CFAP70: variants seen among roughly 807,000 people sequenced by gnomAD.
CFAP70 encodes the protein cilia and flagella associated protein 70, also known as cilia- and flagella-associated protein 70.
Under a neutral mutation model 137.6 loss-of-function variants are expected in CFAP70, and 81 were observed. The observed-to-expected ratio is 0.59, with a 90% CI of 0.49 to 0.71. The LOEUF (loss-of-function observed/expected upper bound fraction) is 0.71, where lower values mean the gene tolerates loss of function less well. Ranked by LOEUF, CFAP70 falls within the 30% of genes least tolerant of loss-of-function variation. CFAP70 has a pLI of 0.00. For synonymous variants in CFAP70, 382 were observed against 423.6 expected (o/e 0.90, Z 1.20); for missense variants, 976 against 1,226.7 (o/e 0.80, Z 3.05).
chr10:73,307,661 TACA>T (rs1275942093), intron 12 of CFAP70, among the ~76,000 whole-genome samples: 3 of 151,948 alleles, frequency 2.0e-5, no homozygotes, highest in East Asian at 1.9e-4. Flanking sequence ...AGCAATAAAA[TACA>T]ACATTTATAA....
At chr10:73,258,229 C>T (rs955382110) in intron 25 of CFAP70, among the ~76,000 whole-genome samples, 2 of 152,136 alleles carry the variant, frequency 1.3e-5, no homozygotes, top group African/African-American at 4.8e-5. Context: ...ACGGAGGGAC[C>T]GGCTGAAGCC....
At chr10:73,260,275 C>G (rs540033092) in intron 25 of CFAP70, among the ~76,000 whole-genome samples, 6 of 151,816 alleles carry the variant, frequency 4.0e-5, no homozygotes, top group African/African-American at 1.4e-4. Context: ...ATCCCTTGAG[C>G]CCAGGATCGT....
At chr10:73,355,468 T>C (rs1230429483) in intron 1 of CFAP70, among the ~76,000 whole-genome samples, 2 of 152,162 alleles carry the variant, frequency 1.3e-5, no homozygotes, top group South Asian at 2.1e-4. Flanking sequence ...TTCTACATTA[T>C]GGTGAGTTGT....
exon 19 of CFAP70, chr10:73,291,234 G>A (rs2048156549): frequency 1.9e-6 from 3 of 1,613,968 alleles, no homozygotes; most frequent in Middle Eastern, 1.7e-4. Flanking sequence ...ACCTGCTGGG[G>A]CTTCCACCTT....
chr10:73,308,721 T>A (rs2049630176), intron 12 of CFAP70, among the ~76,000 whole-genome samples: 1 of 133,096 alleles, frequency 7.5e-6, no homozygotes, highest in South Asian at 2.3e-4. Context: ...GACTTAAAAT[T>A]AAGAAAATAA....
chr10:73,329,789 C>T (rs1173919465), intron 8 of CFAP70, among the ~76,000 whole-genome samples: 1 of 152,122 alleles, frequency 6.6e-6, no homozygotes, highest in African/African-American at 2.4e-5. Context: ...TAACTTATGT[C>T]TAAATTCTCA....
At chr10:73,315,235 A>C (rs1428225664) in intron 9 of CFAP70, among the ~76,000 whole-genome samples, 2 of 149,840 alleles carry the variant, frequency 1.3e-5, no homozygotes, top group Non-Finnish European at 3.0e-5. Context: ...AAAAAAAAAA[A>C]ACAGCTTTAT....
chr10:73,254,357 CA>C (rs369369028), intron 26 of CFAP70: 56 of 184,916 alleles, frequency 3.0e-4, no homozygotes, highest in African/African-American at 1.2e-3. Flanking sequence ...AAAGTGTTCA[CA>C]TTATTACCAG....
chr10:73,291,466 A>C (rs746658635), intron 18 of CFAP70, 22 bp from the exon 20 acceptor site: 1 of 1,600,896 alleles, frequency 6.2e-7, no homozygotes, highest in Non-Finnish European at 8.6e-7. Flanking sequence ...AAAATGTTGA[A>C]ATACATATGA....
intron 25 of CFAP70, among the ~76,000 whole-genome samples, chr10:73,262,668 T>G (rs1028910867): frequency 2.6e-5 from 4 of 152,160 alleles, no homozygotes; most frequent in African/African-American, 9.7e-5. Context: ...AAATTTTTAA[T>G]AATTATTTTA....
rs575812060 is a variant in CFAP70 at position 73,272,984 on chromosome 10, A to T, written c.2869T>A (p.Cys957Ser). The change falls in exon 24 of 27, where the codon TGT (cysteine) becomes AGT (serine). Residue 957 changes from cysteine to serine, a missense_variant. Physicochemically the swap from Cys to Ser is moderately radical, Grantham distance 112. Coordinates refer to ENST00000310715, the Ensembl canonical transcript of CFAP70. ...GTAAGGCATGAAGGTGATCTCTTAC[A>T]GGCTTGCATATAGGTTTTCTTTGCC... 5.7e-5 allele frequency: 88 copies of T among 1,552,456 alleles called. No individual in the cohort carries two copies. The Admixed American group carries it at 1.7e-3, about 30-fold the overall frequency.
chr10:73,278,150 TC>T (rs768994120), intron 20 of CFAP70, 28 bp downstream of exon 21: 2 of 1,608,214 alleles, frequency 1.2e-6, no homozygotes, highest in South Asian at 2.2e-5. Context: ...ATGCCCCTCT[TC>T]CAAGTGGAAA....
intron 4 of CFAP70, 59 bp downstream of exon 4, chr10:73,348,364 C>T: frequency 6.4e-7 from 1 of 1,561,282 alleles, no homozygotes; most frequent in Non-Finnish European, 8.8e-7. Context: ...CTATATCTCT[C>T]TGGGGCTAAG....
intron 26 of CFAP70, 65 bp downstream of exon 27, chr10:73,256,304 A>G (rs1031446142): frequency 6.4e-7 from 1 of 1,565,642 alleles, no homozygotes; most frequent in Admixed American, 1.7e-5. Context: ...TTAAGCCAGT[A>G]CCTCCCTCCT....
intron 19 of CFAP70, among the ~76,000 whole-genome samples, chr10:73,284,792 AT>A (rs2047551968): frequency 2.7e-5 from 2 of 72,810 alleles, no homozygotes; most frequent in Non-Finnish European, 5.2e-5. Context: ...ATATATATAT[AT>A]ATATATATAT....
exon 2 of CFAP70, chr10:73,354,755 G>A (rs766568806): frequency 1.2e-5 from 19 of 1,613,734 alleles, no homozygotes; most frequent in Middle Eastern, 1.6e-4. Flanking sequence ...CCTCTGTCAC[G>A]GTGATCTGCA....
intron 25 of CFAP70, among the ~76,000 whole-genome samples, chr10:73,262,017 T>C (rs1351759653): frequency 6.9e-6 from 1 of 144,380 alleles, no homozygotes; most frequent in East Asian, 2.0e-4. Flanking sequence ...TGTATATATG[T>C]ATATATTATA....
intron 12 of CFAP70, among the ~76,000 whole-genome samples, chr10:73,307,989 CAAA>C (rs371058579): frequency 0.17 from 13,791 of 79,974 alleles, 948 homozygotes; most frequent in East Asian, 0.39. Context: ...TACTAAAATA[CAAA>C]AAAAAAAAAA....
At chr10:73,293,115 C>T (rs1292553944) in intron 16 of CFAP70, 148 bp downstream of exon 17, 17 of 698,082 alleles carry the variant, frequency 2.4e-5, no homozygotes, top group African/African-American at 3.6e-5. Context: ...AATTGAATGA[C>T]CTTATTGGTG....
Sources: gnomAD v4.1 joint callset for allele counts (sites outside exome capture counted in the v4.1 genomes callset) on GRCh38, gnomAD v4.1.1 for gene constraint, MANE v1.5 for transcripts, NCBI Gene and HGNC (gene_info 2026-07-23, HGNC 2026-07-21) for gene names.